Variants in DNAH9 observed in about 807,000 individuals in gnomAD.
DNAH9 encodes the protein DNAH9 variant protein.
A neutral mutation model predicts 471.6 loss-of-function variants in DNAH9; 345 were observed. The observed-to-expected ratio is 0.73, with a 90% CI of 0.67 to 0.80. The LOEUF (loss-of-function observed/expected upper bound fraction) is 0.80. Among genes scored for constraint, DNAH9 ranks in the 30% least tolerant of loss-of-function variants. The pLI is 0.00. For missense variants in DNAH9, 5,407 were observed against 5,609.2 expected (o/e 0.96, Z 1.15); for synonymous variants, 2,093 against 2,123.6 (o/e 0.99, Z 0.40).
chr17:11,817,088 A>G (rs1317895555), intron 45 of DNAH9, among the ~76,000 whole-genome samples: 12 of 151,998 alleles, frequency 7.9e-5, no homozygotes, highest in Admixed American at 2.0e-4. Context: ...ATGTTTCCGA[A>G]CTTTAGGTCT....
At position 11,636,800 on chromosome 17, in the gene DNAH9, G is replaced by A. The variant is rs192901923; in HGVS notation, c.1786+16G>A. ...GCAGAACTTGGTAGGCTTGTTAAAG[G>A]GGATTTTGATGGGGACATTCTGTTA... On this transcript the variant is annotated intron_variant, in intron 9 of 68. Coordinates refer to ENST00000262442, the MANE Select transcript of DNAH9 (RefSeq NM_001372.4). 32 of 1,612,598 alleles carry A rather than the reference G, an allele frequency of 2.0e-5. No homozygotes were observed. The African/African-American group carries it at 4.1e-4, about 21-fold the overall frequency.
chr17:11,609,359 A>T (rs1353724923), intron 2 of DNAH9, among the ~76,000 whole-genome samples: 1 of 152,256 alleles, frequency 6.6e-6, no homozygotes, highest in Admixed American at 6.5e-5. Flanking sequence ...CAAAATAAAT[A>T]AATTCAAACT....
intron 32 of DNAH9, among the ~76,000 whole-genome samples, chr17:11,750,975 T>G: frequency 6.6e-6 from 1 of 152,156 alleles, no homozygotes; most frequent in Middle Eastern, 3.4e-3. Flanking sequence ...ATTGGTTCGC[T>G]GTAAAGACCA....
At chr17:11,621,847 C>T (rs185927187) in intron 6 of DNAH9, among the ~76,000 whole-genome samples, 20 of 152,112 alleles carry the variant, frequency 1.3e-4, no homozygotes, top group Admixed American at 3.3e-4. Context: ...TTTAGGAGGC[C>T]GAGGCAGGTG....
intron 11 of DNAH9, 129 bp from the exon 12 acceptor site, chr17:11,646,943 C>T: frequency 3.5e-6 from 3 of 850,616 alleles, no homozygotes; most frequent in Non-Finnish European, 5.3e-6. Flanking sequence ...TGTGGTTACT[C>T]TCAGAAGCTG....
intron 67 of DNAH9, among the ~76,000 whole-genome samples, chr17:11,948,322 G>A (rs1475168405): frequency 6.9e-6 from 1 of 145,014 alleles, no homozygotes; most frequent in Admixed American, 7.1e-5. Context: ...TCCACCTCTT[G>A]GGTTCAAGCT....
At chr17:11,813,112 T>C (rs1164251641) in intron 45 of DNAH9, among the ~76,000 whole-genome samples, 2 of 152,170 alleles carry the variant, frequency 1.3e-5, no homozygotes, top group Non-Finnish European at 2.9e-5. Context: ...TAATTTTTCA[T>C]TTAGAACACA....
chr17:11,634,991 G>C (rs2073134513), intron 8 of DNAH9, among the ~76,000 whole-genome samples: 1 of 152,300 alleles, frequency 6.6e-6, no homozygotes, highest in African/African-American at 2.4e-5. Context: ...AATGCAGACT[G>C]TTCAGCTTCC....
At chr17:11,845,470 G>A (rs1169649686) in intron 49 of DNAH9, among the ~76,000 whole-genome samples, 333 of 148,326 alleles carry the variant, frequency 2.2e-3, no homozygotes, top group African/African-American at 8.0e-3. Context: ...AAACATACGT[G>A]TGCATGTGTC....
intron 41 of DNAH9, among the ~76,000 whole-genome samples, chr17:11,787,727 C>T (rs1968922681): frequency 6.6e-6 from 1 of 152,128 alleles, no homozygotes; most frequent in African/African-American, 2.4e-5. Flanking sequence ...GTGGGAGGGA[C>T]CAGTGAGAGA....
intron 49 of DNAH9, among the ~76,000 whole-genome samples, chr17:11,844,238 CT>C: frequency 6.6e-6 from 1 of 152,082 alleles, no homozygotes; most frequent in Non-Finnish European, 1.5e-5. Flanking sequence ...CTTTAAATTT[CT>C]GTAGATCACA....
Position 11,948,821 on chromosome 17 carries a change from G to A in DNAH9, c.12843+6336G>A, listed in dbSNP as rs189991762. Among the ~76,000 whole-genome samples, 50 of 152,238 alleles carry A rather than the reference G, an allele frequency of 3.3e-4. No homozygotes were observed. The East Asian group carries it at 7.2e-3, about 22-fold the overall frequency. ...CTCCTCGCCAAGAACATCTTCATAG[G>A]GTAGAAAAAACAGAGAGGAGCTAAG... On this transcript the variant is annotated intron_variant, in intron 67 of 68. Coordinates refer to ENST00000262442, the MANE Select transcript of DNAH9 (RefSeq NM_001372.4).
intron 31 of DNAH9, among the ~76,000 whole-genome samples, chr17:11,746,848 G>A (rs1966898223): frequency 6.6e-6 from 1 of 152,104 alleles, no homozygotes; most frequent in Non-Finnish European, 1.5e-5. Context: ...ACTCATAAAT[G>A]TTACTTCTTA....
chr17:11,814,750 A>G (rs752646735), intron 45 of DNAH9, among the ~76,000 whole-genome samples: 3 of 152,162 alleles, frequency 2.0e-5, no homozygotes, highest in Admixed American at 6.5e-5. Flanking sequence ...ACATAAAAAG[A>G]TCCACCTCAT....
chr17:11,620,017 C>T, intron 6 of DNAH9: 1 of 512,432 alleles, frequency 2.0e-6, no homozygotes, highest in Non-Finnish European at 3.5e-6. Flanking sequence ...TTAAAACCAG[C>T]CGGGCCAACA....
intron 32 of DNAH9, among the ~76,000 whole-genome samples, chr17:11,749,065 TTTTTTTTTGTTTTTTTTTTTG>T (rs1967033494): frequency 4.4e-5 from 1 of 22,614 alleles, no homozygotes; most frequent in Admixed American, 6.3e-4. Flanking sequence ...TTTAAGAGGG[TTTTTTTTTGTTTTTTTTTTTG>T]TTTTTTTTTT....
intron 19 of DNAH9, among the ~76,000 whole-genome samples, chr17:11,685,089 A>G (rs1225081203): frequency 6.6e-6 from 1 of 152,158 alleles, no homozygotes; most frequent in Non-Finnish European, 1.5e-5. Flanking sequence ...TCCTGACCTC[A>G]AGGACTTATA....
At chr17:11,815,129 A>G (rs1411474269) in intron 45 of DNAH9, among the ~76,000 whole-genome samples, 1 of 151,752 alleles carries the variant, frequency 6.6e-6, no homozygotes, top group African/African-American at 2.4e-5. Context: ...CAAAACAGAA[A>G]CTCCCAAAGA....
chr17:11,813,448 C>T (rs963621007), intron 45 of DNAH9, among the ~76,000 whole-genome samples: 4 of 152,090 alleles, frequency 2.6e-5, no homozygotes, highest in Admixed American at 6.6e-5. Flanking sequence ...GCGGGGATGA[C>T]GCAGAACCTC....
Sources: allele counts gnomAD v4.1 joint callset (sites outside exome capture counted in the v4.1 genomes callset), GRCh38; gene constraint gnomAD v4.1.1; transcripts MANE v1.5; gene names NCBI Gene and HGNC (gene_info 2026-07-23, HGNC 2026-07-21).